MEIS1: variants seen among roughly 807,000 people sequenced by gnomAD.
MEIS1 encodes the protein homeobox protein Meis1.
A neutral mutation model predicts 50.8 loss-of-function variants in MEIS1; 5 were observed. The ratio of observed to expected loss-of-function variants is 0.10; its 90% CI spans 0.05 to 0.21. The LOEUF (loss-of-function observed/expected upper bound fraction) is 0.21. MEIS1 is among the 10% of genes least tolerant of loss of function. MEIS1 has a pLI of 1.00. For missense variants in MEIS1, 318 were observed against 517.3 expected (o/e 0.61, Z 3.74); for synonymous variants, 176 against 179.3 (o/e 0.98, Z 0.15).
At chr2:66,503,220 T>C (rs1673599386) in intron 7 of MEIS1, among the ~76,000 whole-genome samples, 1 of 152,194 alleles carries the variant, frequency 6.6e-6, no homozygotes, top group Admixed American at 6.5e-5. Context: ...CCATAGATAC[T>C]TATGACTCAC....
chr2:66,481,018 A>C (rs558077382), intron 7 of MEIS1, among the ~76,000 whole-genome samples: 101 of 151,926 alleles, frequency 6.6e-4, no homozygotes, highest in African/African-American at 1.8e-3. Flanking sequence ...AAACAAAAAA[A>C]CAAAAAAACA....
At chr2:66,520,628 C>T (rs534939307) in intron 8 of MEIS1, among the ~76,000 whole-genome samples, 1 of 152,206 alleles carries the variant, frequency 6.6e-6, no homozygotes, top group East Asian at 1.9e-4. Flanking sequence ...AATTGCTTGG[C>T]TATTTTGACA....
intron 8 of MEIS1, among the ~76,000 whole-genome samples, chr2:66,536,646 A>G (rs911587086): frequency 3.3e-5 from 5 of 151,506 alleles, no homozygotes; most frequent in East Asian, 1.9e-4. Context: ...ATTAACTGCA[A>G]AAATCTACAC....
At chr2:66,544,055 C>T (rs1030424259) in intron 8 of MEIS1, among the ~76,000 whole-genome samples, 2 of 152,114 alleles carry the variant, frequency 1.3e-5, no homozygotes, top group Admixed American at 6.6e-5. Context: ...GTGACATAGG[C>T]CTTTAGTTGC....
chr2:66,534,645 G>C (rs1022652941), intron 8 of MEIS1, among the ~76,000 whole-genome samples: 2 of 152,068 alleles, frequency 1.3e-5, no homozygotes, highest in East Asian at 3.9e-4. Flanking sequence ...TGGGCTAAAC[G>C]GGCTTATGAC....
At chr2:66,474,155 A>T (rs550529265) in intron 7 of MEIS1, among the ~76,000 whole-genome samples, 1 of 152,156 alleles carries the variant, frequency 6.6e-6, no homozygotes, top group African/African-American at 2.4e-5. Context: ...ACACATGCAT[A>T]TGGAGGTCTT....
At chr2:66,489,346 C>G (rs529428104) in intron 7 of MEIS1, among the ~76,000 whole-genome samples, 1 of 152,170 alleles carries the variant, frequency 6.6e-6, no homozygotes, top group Non-Finnish European at 1.5e-5. Flanking sequence ...TACAATTAGC[C>G]TCTGTAAATA....
chr2:66,537,725 A>G (rs925368728), intron 8 of MEIS1, among the ~76,000 whole-genome samples: 1 of 152,170 alleles, frequency 6.6e-6, no homozygotes, highest in African/African-American at 2.4e-5. Flanking sequence ...GCGTTGTAGT[A>G]TTTCATCTTC....
intron 7 of MEIS1, among the ~76,000 whole-genome samples, chr2:66,495,342 G>T (rs1037306233): frequency 2.6e-5 from 4 of 151,890 alleles, no homozygotes; most frequent in African/African-American, 7.3e-5. Context: ...TCCAGCTTTG[G>T]GTCTGCAGTG....
intron 7 of MEIS1, among the ~76,000 whole-genome samples, chr2:66,507,408 G>GA (rs1673708927): frequency 6.6e-6 from 1 of 152,150 alleles, no homozygotes; most frequent in Non-Finnish European, 1.5e-5. Flanking sequence ...TTGGCTTCTA[G>GA]AAAAACAAGG....
chr2:66,561,840 G>T (rs1027053972), intron 9 of MEIS1, among the ~76,000 whole-genome samples: 1 of 152,058 alleles, frequency 6.6e-6, no homozygotes, highest in East Asian at 1.9e-4. Flanking sequence ...AACACGACGG[G>T]GGGTGAAGCA....
intron 7 of MEIS1, among the ~76,000 whole-genome samples, chr2:66,503,502 T>C (rs1673607353): frequency 6.6e-6 from 1 of 152,210 alleles, no homozygotes; most frequent in Non-Finnish European, 1.5e-5. Flanking sequence ...CATAGATGTG[T>C]ACTTTTTTCC....
chr2:66,508,809 G>A (rs767675924), intron 7 of MEIS1: 9 of 310,790 alleles, frequency 2.9e-5, no homozygotes, highest in Admixed American at 9.0e-5. Context: ...TCAGCAAAAC[G>A]AGCATAAATC....
At chr2:66,571,007 AC>A (rs749815938) in intron 12 of MEIS1, 10 of 470,006 alleles carry the variant, frequency 2.1e-5, no homozygotes, top group Non-Finnish European at 3.7e-5. Context: ...AATAAATAAG[AC>A]CTCAGTAGGC....
At chr2:66,560,785 G>A (rs1181793154) in intron 9 of MEIS1, among the ~76,000 whole-genome samples, 3 of 152,070 alleles carry the variant, frequency 2.0e-5, no homozygotes. Context: ...CAAGTGGGTA[G>A]AGAAGAGAGG....
intron 8 of MEIS1, among the ~76,000 whole-genome samples, chr2:66,523,039 C>A (rs1225163385): frequency 6.6e-6 from 1 of 152,190 alleles, no homozygotes; most frequent in African/African-American, 2.4e-5. Context: ...TACCTCAGTG[C>A]AGCAGTTACT....
intron 11 of MEIS1, 82 bp downstream of exon 11, chr2:66,568,838 A>G (rs1675415631): frequency 7.6e-7 from 1 of 1,317,630 alleles, no homozygotes; most frequent in South Asian, 1.2e-5. Flanking sequence ...AATCCGCCTC[A>G]TCCTTTTCTG....
intron 6 of MEIS1, among the ~76,000 whole-genome samples, chr2:66,444,440 G>A (rs1030023665): frequency 5.9e-5 from 9 of 152,180 alleles, no homozygotes; most frequent in African/African-American, 2.2e-4. Context: ...TTTTCTCTGG[G>A]CAATCCCCGC....
intron 7 of MEIS1, among the ~76,000 whole-genome samples, chr2:66,487,122 C>T (rs1215139139): frequency 6.6e-6 from 1 of 152,128 alleles, no homozygotes; most frequent in African/African-American, 2.4e-5. Flanking sequence ...CCAGAACTTC[C>T]AATACTGTGT....
Sources: gnomAD v4.1 joint callset for allele counts (sites outside exome capture counted in the v4.1 genomes callset) on GRCh38, gnomAD v4.1.1 for gene constraint, MANE v1.5 for transcripts, NCBI Gene and HGNC (gene_info 2026-07-23, HGNC 2026-07-21) for gene names.